GALNT11: variants seen among roughly 807,000 people sequenced by gnomAD.
GALNT11 encodes the protein UDP-GalNAc:polypeptide N-acetylgalactosaminyltransferase 11.
GALNT11 carries 47 observed loss-of-function variants against 72.7 expected under a neutral mutation model. The observed-to-expected ratio is 0.65, with a 90% CI of 0.51 to 0.82. The LOEUF (loss-of-function observed/expected upper bound fraction) is 0.82, where lower values mean the gene tolerates loss of function less well. Ranked by LOEUF, GALNT11 falls within the 40% of genes least tolerant of loss-of-function variation. The pLI is 0.00. For missense variants in GALNT11, 677 were observed against 778.4 expected, an observed-to-expected ratio of 0.87 and a Z score of 1.55; for synonymous variants, 270 against 286.6, an observed-to-expected ratio of 0.94 and a Z score of 0.58.
intron 1 of GALNT11, among the ~76,000 whole-genome samples, chr7:152,055,780 G>C (rs1019202597): frequency 6.6e-6 from 1 of 151,768 alleles, no homozygotes; most frequent in Middle Eastern, 3.4e-3. Flanking sequence ...CTAAAATCTT[G>C]CATCATGGGA....
intron 1 of GALNT11, among the ~76,000 whole-genome samples, chr7:152,092,834 C>A (rs1315955880): frequency 1.3e-5 from 2 of 152,308 alleles, no homozygotes; most frequent in East Asian, 3.9e-4. Context: ...GGTTTCTCTG[C>A]CATAAGTCTG....
In GALNT11 at chr7:152,121,879, A is replaced by G. The variant is rs142022759; in HGVS notation, c.*202A>G. 9 of 553,552 alleles carry G rather than the reference A, an allele frequency of 1.6e-5. No homozygotes were observed. The East Asian group carries it at 2.5e-4, about 15-fold the overall frequency. 34.3% of individuals were successfully genotyped at this position (553,552 alleles called of 1,614,324 possible). On this transcript the variant is annotated 3_prime_UTR_variant, in exon 12 of 12. Transcript: ENST00000430044. ...GGGAGCTCTGAGTGTCCACGGGTGA[A>G]GAAGTGAGTGTCCACGGGTGAAGAA...
chr7:152,034,502 T>C (rs996759871), intron 1 of GALNT11, among the ~76,000 whole-genome samples: 8 of 151,940 alleles, frequency 5.3e-5, no homozygotes, highest in Non-Finnish European at 1.5e-5. Flanking sequence ...GGTTTGCGGG[T>C]CAAATTGGTC....
intron 1 of GALNT11, among the ~76,000 whole-genome samples, chr7:152,071,701 T>C (rs543576384): frequency 2.2e-4 from 34 of 152,312 alleles, no homozygotes; most frequent in African/African-American, 7.0e-4. Flanking sequence ...TGTTTAGAGA[T>C]TGCAGTAAAG....
chr7:152,076,085 AAAAAAG>A (rs1258955879), intron 1 of GALNT11, among the ~76,000 whole-genome samples: 16 of 150,006 alleles, frequency 1.1e-4, no homozygotes, highest in African/African-American at 3.5e-4. Context: ...AAAAAAAAAA[AAAAAAG>A]AAGAAGAGAG....
At chr7:152,044,031 G>T (rs181892935) in intron 1 of GALNT11, among the ~76,000 whole-genome samples, 6 of 152,270 alleles carry the variant, frequency 3.9e-5, no homozygotes, top group Admixed American at 2.6e-4. Flanking sequence ...CGAGCCCCAC[G>T]TATGGGCATT....
At chr7:152,096,732 A>G (rs2086409635) in intron 2 of GALNT11, among the ~76,000 whole-genome samples, 1 of 151,406 alleles carries the variant, frequency 6.6e-6, no homozygotes, top group African/African-American at 2.4e-5. Context: ...AAAAAAAAAA[A>G]GTGAAAAAAG....
chr7:152,054,421 C>T (rs1194650475), intron 1 of GALNT11, among the ~76,000 whole-genome samples: 1 of 149,284 alleles, frequency 6.7e-6, no homozygotes, highest in Non-Finnish European at 1.5e-5. Context: ...CACCTTCCTG[C>T]ACAGTGATCT....
At chr7:152,082,347 G>A (rs957944806) in intron 1 of GALNT11, among the ~76,000 whole-genome samples, 12 of 152,206 alleles carry the variant, frequency 7.9e-5, no homozygotes, top group South Asian at 2.1e-4. Flanking sequence ...ATAACCTGAC[G>A]CATCCACCCT....
intron 1 of GALNT11, among the ~76,000 whole-genome samples, chr7:152,027,197 C>T (rs1022804254): frequency 4.6e-5 from 7 of 152,208 alleles, no homozygotes; most frequent in Admixed American, 2.0e-4. Context: ...TGCAGTGAGC[C>T]GAGATCACGC....
At chr7:152,032,650 G>T (rs1290472272) in intron 1 of GALNT11, among the ~76,000 whole-genome samples, 2 of 152,154 alleles carry the variant, frequency 1.3e-5, no homozygotes, top group African/African-American at 4.8e-5. Flanking sequence ...AAGGAAATGT[G>T]GTGGGATCTT....
At position 152,093,621 on chromosome 7, in the gene GALNT11, G is replaced by T. The variant is rs190377685; in HGVS notation, c.-38-569G>T. 7.6e-4 allele frequency among the ~76,000 whole-genome samples: 116 copies of T among 151,998 alleles called. 1 individual carries two copies. The highest frequency in any genetic ancestry group is 2.6e-3 in the African/African-American group (109 of 41,438). ...TTTTTGTATTTTTGATAGACACAAG[G>T]TTTCACCAGGTTGGCCAGGCTGGTC... On this transcript the variant is annotated intron_variant, in intron 1 of 11. Transcript: ENST00000430044.
chr7:152,100,851 C>T lies in GALNT11; in HGVS notation c.349C>T (p.His117Tyr). ...QELRDLGYQK[H>Y]AFNMLISDRL... Reference sequence around the variant, plus strand: ...GTTGAGAGACTTGGGCTATCAGAAACATGCTTTTAATATGCTTATCAGTGA... The same window carrying T: ...GTTGAGAGACTTGGGCTATCAGAAATATGCTTTTAATATGCTTATCAGTGA... The change falls in exon 3 of 12, where the codon CAT becomes TAT. Residue 117 changes from histidine (H) to tyrosine (Y), a missense_variant. Physicochemically the swap from His to Tyr is moderately conservative, Grantham distance 83. Transcript: ENST00000430044. 1 of 1,614,018 alleles carries T rather than the reference C, an allele frequency of 6.2e-7. No homozygotes were observed. Among genetic ancestry groups the T allele is most frequent in the Non-Finnish European group, 8.5e-7 (1 of 1,179,974 alleles).
chr7:152,120,589 T>C (rs1563086416), intron 10 of GALNT11: 3 of 440,670 alleles, frequency 6.8e-6, no homozygotes, highest in East Asian at 4.7e-5. Flanking sequence ...GTTAATTCAG[T>C]CAAATTCAAT....
At chr7:152,066,159 C>G (rs537281438) in intron 1 of GALNT11, among the ~76,000 whole-genome samples, 3 of 152,210 alleles carry the variant, frequency 2.0e-5, no homozygotes, top group Admixed American at 2.0e-4. Flanking sequence ...CCCCCAGCCT[C>G]GCTGCTGCCT....
At chr7:152,119,363 A>G (rs997791448) in intron 10 of GALNT11, 1 of 152,192 alleles carries the variant, frequency 6.6e-6, no homozygotes, top group Non-Finnish European at 1.5e-5. Context: ...CTGATAAAAT[A>G]GCATAATGGA....
chr7:152,033,020 A>C (rs539606879), intron 1 of GALNT11, among the ~76,000 whole-genome samples: 1 of 152,330 alleles, frequency 6.6e-6, no homozygotes, highest in Non-Finnish European at 1.5e-5. Context: ...AGTGTCCAGG[A>C]GGAAGTCAAT....
At chr7:152,065,500 T>C (rs555363797) in intron 1 of GALNT11, among the ~76,000 whole-genome samples, 14 of 152,352 alleles carry the variant, frequency 9.2e-5, no homozygotes, top group Non-Finnish European at 1.8e-4. Context: ...CTGCATTCCT[T>C]TGGAAGGGGA....
rs35509646 is a variant in GALNT11, at chr7:152,073,566, C to T, written c.-38-20624C>T. 4.7e-3 allele frequency among the ~76,000 whole-genome samples: 714 copies of T among 152,266 alleles called. 1 individual carries two copies. Among genetic ancestry groups the T allele is most frequent in the South Asian group, 8.7e-3 (42 of 4,822 alleles). On this transcript the variant is annotated intron_variant, in intron 1 of 11. Transcript: ENST00000430044. ...ATCTGTTGGACACCCAGATTCATTC[C>T]GTATCTTGGCTATTGTGAATAATGC...
Sources: allele counts gnomAD v4.1 joint callset (sites outside exome capture counted in the v4.1 genomes callset), GRCh38; gene constraint gnomAD v4.1.1; transcripts MANE v1.5; gene names NCBI Gene and HGNC (gene_info 2026-07-23, HGNC 2026-07-21).